The following CAB39L variants were observed in gnomAD, a reference collection of about 807,000 sequenced individuals.
CAB39L encodes the protein calcium-binding protein 39-like.
In CAB39L, 23 loss-of-function variants were observed where a neutral mutation model predicts 39.1. The ratio of observed to expected loss-of-function variants is 0.59; its 90% CI spans 0.42 to 0.83. The LOEUF (loss-of-function observed/expected upper bound fraction) is 0.83, where lower values mean the gene tolerates loss of function less well. Among genes scored for constraint, CAB39L ranks in the 40% least tolerant of loss-of-function variants. The probability of loss-of-function intolerance (pLI) is 0.00; values close to 1 mark genes in which losing one functional copy is unlikely to be tolerated. For synonymous variants in CAB39L, 126 were observed against 137.2 expected (o/e 0.92, Z 0.57); for missense variants, 366 against 391.9 (o/e 0.93, Z 0.56).
chr13:49,378,549 C>A (rs1235463200), intron 4 of CAB39L, among the ~76,000 whole-genome samples: 1 of 71,748 alleles, frequency 1.4e-5, no homozygotes, highest in African/African-American at 8.1e-5. Flanking sequence ...GGGGGTCAGC[C>A]CCCCCACCCG....
chr13:49,410,490 T>G (rs917933283), intron 3 of CAB39L, among the ~76,000 whole-genome samples: 1 of 151,356 alleles, frequency 6.6e-6, no homozygotes, highest in African/African-American at 2.4e-5. Flanking sequence ...ATATTATTAC[T>G]GTTATAAATC....
chr13:49,382,959 A>C lies in CAB39L; in HGVS notation c.-31-18T>G, dbSNP rs1443935846. The C allele has an allele frequency of 9.2e-7, 1 of 1,084,584 alleles. No homozygotes were observed. The highest frequency in any genetic ancestry group is 1.4e-6 in the Non-Finnish European group (1 of 725,250). The allele number at this position is 1,084,584 out of a possible 1,614,324, so 67.2% of individuals were successfully genotyped here. A position where few individuals can be genotyped will look rare whatever the true frequency, so the allele number is the denominator to read the frequency against. Reference sequence around the variant, plus strand: ...ATGGAATGCTAAAAACAAATAAGCCAACAAAAATTATAACTTTAACTCTTA... The same window carrying C: ...ATGGAATGCTAAAAACAAATAAGCCCACAAAAATTATAACTTTAACTCTTA... On this transcript the variant is annotated intron_variant, in intron 3 of 10. Coordinates refer to ENST00000409308, the MANE Select transcript of CAB39L (RefSeq NM_001079670.3).
At chr13:49,423,153 A>G (rs1957195932) in intron 3 of CAB39L, among the ~76,000 whole-genome samples, 1 of 152,232 alleles carries the variant, frequency 6.6e-6, no homozygotes, top group Non-Finnish European at 1.5e-5. Flanking sequence ...CATTAGTATC[A>G]TCAGGATCAC....
intron 3 of CAB39L, among the ~76,000 whole-genome samples, chr13:49,384,444 T>C (rs548831550): frequency 1.6e-4 from 24 of 152,314 alleles, no homozygotes; most frequent in African/African-American, 5.5e-4. Flanking sequence ...CCTGAAAATG[T>C]TGATATTTTG....
chr13:49,402,470 G>T (rs1308096029), intron 3 of CAB39L, among the ~76,000 whole-genome samples: 3 of 152,134 alleles, frequency 2.0e-5, no homozygotes, highest in Non-Finnish European at 4.4e-5. Flanking sequence ...CAGTTCCTTA[G>T]CCCAGAACAC....
At chr13:49,381,022 C>T (rs991523930) in intron 4 of CAB39L, among the ~76,000 whole-genome samples, 2 of 152,278 alleles carry the variant, frequency 1.3e-5, no homozygotes, top group African/African-American at 4.8e-5. Context: ...CTGCCTCCTG[C>T]GTTCAAGCGA....
chr13:49,395,899 CTTG>C (rs775278802), intron 3 of CAB39L, among the ~76,000 whole-genome samples: 2 of 151,936 alleles, frequency 1.3e-5, no homozygotes, highest in African/African-American at 2.4e-5. Context: ...ATTAAATGCC[CTTG>C]TTGTTATCCC....
chr13:49,415,617 T>C (rs1052964462), intron 3 of CAB39L, among the ~76,000 whole-genome samples: 3 of 152,140 alleles, frequency 2.0e-5, no homozygotes, highest in Admixed American at 2.0e-4. Context: ...GTGAAGCCTA[T>C]AGACTTCTGA....
At chr13:49,311,324 T>C (rs942742210) in intron 10 of CAB39L, among the ~76,000 whole-genome samples, 1 of 152,144 alleles carries the variant, frequency 6.6e-6, no homozygotes, top group African/African-American at 2.4e-5. Flanking sequence ...ACAAACCTAC[T>C]GCCCGGCCAG....
rs888229805 is a variant in CAB39L, at chr13:49,434,234, G to A, written c.-245-11C>T. The A allele has an allele frequency of 8.9e-6, 4 of 448,520 alleles. No homozygotes were observed. The highest frequency in any genetic ancestry group is 1.8e-5 in the Non-Finnish European group (4 of 224,254). The allele number at this position is 448,520 out of a possible 1,614,324, so 27.8% of individuals were successfully genotyped here. A position where few individuals can be genotyped will look rare whatever the true frequency, so the allele number is the denominator to read the frequency against. On this transcript the variant is annotated splice_polypyrimidine_tract_variant and intron_variant, in intron 1 of 10. Transcript: ENST00000409308. Reference sequence around the variant, plus strand: ...TATTTGATGGATATCCTGCAATAATGTAGGAAAAACAGCACAGGCTTTGGA... The same window carrying A: ...TATTTGATGGATATCCTGCAATAATATAGGAAAAACAGCACAGGCTTTGGA...
intron 1 of CAB39L, among the ~76,000 whole-genome samples, chr13:49,440,715 AGTGTGTGTGTGTGTGTGT>A (rs56314282): frequency 7.4e-5 from 10 of 135,440 alleles, no homozygotes; most frequent in East Asian, 2.1e-4. Context: ...ATTCCTAGGC[AGTGTGTGTGTGTGTGTGT>A]GTGTGTGTGT....
intron 5 of CAB39L, among the ~76,000 whole-genome samples, chr13:49,364,024 CT>C (rs1955703408): frequency 6.6e-6 from 1 of 152,030 alleles, no homozygotes; most frequent in Non-Finnish European, 1.5e-5. Context: ...AGTAGCTATA[CT>C]TACATCAGAC....
At chr13:49,423,003 A>G (rs1341401296) in intron 3 of CAB39L, among the ~76,000 whole-genome samples, 1 of 152,224 alleles carries the variant, frequency 6.6e-6, no homozygotes, top group Non-Finnish European at 1.5e-5. Flanking sequence ...AATTTTTTCC[A>G]AGTTATACGT....
At chr13:49,399,956 A>G (rs1319112893) in intron 3 of CAB39L, among the ~76,000 whole-genome samples, 1 of 152,080 alleles carries the variant, frequency 6.6e-6, no homozygotes, top group African/African-American at 2.4e-5. Context: ...ACATAGGTCA[A>G]CAGTCTAAAA....
chr13:49,391,646 T>G (rs1489173438), intron 3 of CAB39L, among the ~76,000 whole-genome samples: 6 of 152,292 alleles, frequency 3.9e-5, no homozygotes, highest in Non-Finnish European at 7.4e-5. Flanking sequence ...CTCTGGGTTT[T>G]CTATAATCAC....
intron 10 of CAB39L, among the ~76,000 whole-genome samples, chr13:49,327,446 G>C (rs1954539226): frequency 6.6e-6 from 1 of 151,708 alleles, no homozygotes; most frequent in Non-Finnish European, 1.5e-5. Flanking sequence ...TGGGACTACA[G>C]GCATGCACCA....
At position 49,310,597 on chromosome 13, in the gene CAB39L, A is replaced by T. The variant is rs1242546798; in HGVS notation, c.*217T>A. 2.2e-6 allele frequency: 1 copy of T among 451,740 alleles called. No individual in the cohort carries two copies. Among genetic ancestry groups the T allele is most frequent in the African/African-American group, 2.0e-5 (1 of 51,214 alleles). The allele number at this position is 451,740 out of a possible 1,614,324, so 28.0% of individuals were successfully genotyped here. On this transcript the variant is annotated 3_prime_UTR_variant, in exon 11 of 11. Coordinates refer to ENST00000409308, the MANE Select transcript of CAB39L (RefSeq NM_001079670.3). Reference sequence around the variant, plus strand: ...ATCAACATCTGATACAATGGTTCTCATTTCACATAAATAATCACAGACTTG... The same window carrying T: ...ATCAACATCTGATACAATGGTTCTCTTTTCACATAAATAATCACAGACTTG...
Position 49,362,612 on chromosome 13 carries a change from A to C in CAB39L, c.277-2780T>G, listed in dbSNP as rs148166833. ...GCCTACGAGATCTAGGAAATAGTCT[A>C]GAAAGGGCAAATCTAAGACTTACTG... On this transcript the variant is annotated intron_variant, in intron 5 of 10. Coordinates refer to ENST00000409308, the MANE Select transcript of CAB39L (RefSeq NM_001079670.3). Among the ~76,000 whole-genome samples the C allele has an allele frequency of 2.9e-3, 444 of 152,072 alleles. 3 individuals are homozygous for C. The highest frequency in any genetic ancestry group is 0.01 in the Middle Eastern group (3 of 294).
intron 3 of CAB39L, among the ~76,000 whole-genome samples, chr13:49,424,499 G>A (rs1314205400): frequency 6.6e-6 from 1 of 152,126 alleles, no homozygotes; most frequent in East Asian, 1.9e-4. Context: ...TGGCATCCTG[G>A]AACAGAAAAG....
Sources: allele counts gnomAD v4.1 joint callset (sites outside exome capture counted in the v4.1 genomes callset), GRCh38; gene constraint gnomAD v4.1.1; transcripts MANE v1.5; gene names NCBI Gene and HGNC (gene_info 2026-07-23, HGNC 2026-07-21).